NPFFR2: variants seen among roughly 807,000 people sequenced by gnomAD.
NPFFR2 encodes G-protein coupled receptor 74.
Under a neutral mutation model 13.1 loss-of-function variants are expected in NPFFR2, and 15 were observed. That is an observed-to-expected ratio of 1.15 (90% CI 0.77 to 1.76). NPFFR2 has a LOEUF of 1.76. Among genes scored for constraint, NPFFR2 ranks in the 40% most tolerant of loss-of-function variants. The pLI is 0.00. For missense variants in NPFFR2, 572 were observed against 503.5 expected (o/e 1.14, Z -1.30); for synonymous variants, 190 against 175.7 (o/e 1.08, Z -0.65).
chr4:72,127,618 C>T (rs996584762), intron 1 of NPFFR2, among the ~76,000 whole-genome samples: 1 of 150,766 alleles, frequency 6.6e-6, no homozygotes, highest in Non-Finnish European at 1.5e-5. Context: ...CCGCCTCGGC[C>T]TCCCAAAGTG....
At chr4:72,091,649 CTT>C (rs1322235478) in intron 1 of NPFFR2, among the ~76,000 whole-genome samples, 2 of 151,962 alleles carry the variant, frequency 1.3e-5, no homozygotes, top group African/African-American at 4.8e-5. Flanking sequence ...CTTGAGTAAA[CTT>C]TTGTATTTCT....
At chr4:72,083,288 A>G (rs911113354) in intron 1 of NPFFR2, among the ~76,000 whole-genome samples, 12 of 152,158 alleles carry the variant, frequency 7.9e-5, no homozygotes, top group African/African-American at 2.9e-4. Context: ...TAATGGTTGT[A>G]TTAATTTATA....
chr4:72,120,196 C>T (rs1721828265), intron 1 of NPFFR2, among the ~76,000 whole-genome samples: 1 of 152,188 alleles, frequency 6.6e-6, no homozygotes, highest in South Asian at 2.1e-4. Context: ...GCCACAGTAG[C>T]CAGACTACCT....
intron 3 of NPFFR2, among the ~76,000 whole-genome samples, chr4:72,139,433 G>T (rs1481166958): frequency 6.6e-6 from 1 of 152,118 alleles, no homozygotes; most frequent in Non-Finnish European, 1.5e-5. Flanking sequence ...ATTAATTTTT[G>T]TGTGAGGTAT....
chr4:72,085,534 A>C (rs2109796867), intron 1 of NPFFR2, among the ~76,000 whole-genome samples: 2 of 152,266 alleles, frequency 1.3e-5, no homozygotes, highest in African/African-American at 4.8e-5. Flanking sequence ...AGATCCTCAT[A>C]GCATAAAACC....
rs1051324787 is a variant in NPFFR2 at position 72,069,108 on chromosome 4, A to G, written c.-8+36908A>G. On this transcript the variant is annotated intron_variant, in intron 1 of 3. Coordinates refer to ENST00000308744, the MANE Select transcript of NPFFR2 (RefSeq NM_004885.3). The stretch of plus-strand genomic sequence containing the variant: ...GCTATTCTGATGAGGAAAAGATAAG[A>G]ATAGCATAACAGTAATGCTAAGCCT... The G allele has an allele frequency of 1.6e-4, 77 of 473,994 alleles. No homozygotes were observed. The Admixed American group carries it at 3.1e-3, about 19-fold the overall frequency. The allele number at this position is 473,994 out of a possible 1,614,324, so 29.4% of individuals were successfully genotyped here.
chr4:72,095,821 A>G (rs12510838), intron 1 of NPFFR2, among the ~76,000 whole-genome samples: 23,149 of 152,044 alleles, frequency 0.15, 2,155 homozygotes, highest in South Asian at 0.25. Context: ...TAACTCAGAA[A>G]GTTCACGGGG....
At chr4:72,088,673 G>T (rs529576526) in intron 1 of NPFFR2, among the ~76,000 whole-genome samples, 35 of 152,086 alleles carry the variant, frequency 2.3e-4, no homozygotes, top group African/African-American at 7.9e-4. Flanking sequence ...GTCTTACATG[G>T]CAGCAGGAGA....
At chr4:72,062,661 T>C (rs1719953810) in intron 1 of NPFFR2, among the ~76,000 whole-genome samples, 1 of 152,154 alleles carries the variant, frequency 6.6e-6, no homozygotes, top group African/African-American at 2.4e-5. Flanking sequence ...TGACTTTTTT[T>C]TCCCAACAAA....
chr4:72,069,544 G>T (rs1215899072), intron 1 of NPFFR2, among the ~76,000 whole-genome samples: 1 of 152,088 alleles, frequency 6.6e-6, no homozygotes, highest in Non-Finnish European at 1.5e-5. Flanking sequence ...GTATGCCTAT[G>T]ATCACTGCAG....
At chr4:72,124,428 C>T (rs1423089496) in intron 1 of NPFFR2, among the ~76,000 whole-genome samples, 3 of 152,010 alleles carry the variant, frequency 2.0e-5, no homozygotes, top group Non-Finnish European at 4.4e-5. Flanking sequence ...AAAAAGAGCC[C>T]ATATAGCCAA....
chr4:72,105,296 A>G (rs1721386949), intron 1 of NPFFR2, among the ~76,000 whole-genome samples: 1 of 152,002 alleles, frequency 6.6e-6, no homozygotes, highest in Admixed American at 6.6e-5. Flanking sequence ...GCCAGAAAGA[A>G]TATCTTAGAA....
chr4:72,124,257 AAG>A (rs943581186), intron 1 of NPFFR2, among the ~76,000 whole-genome samples: 1 of 152,174 alleles, frequency 6.6e-6, no homozygotes, highest in Non-Finnish European at 1.5e-5. Flanking sequence ...TCAAGGAACT[AAG>A]AGAGGACACA....
In NPFFR2 at chr4:72,147,221, T is replaced by A; in HGVS notation, c.672T>A (p.Phe224Leu). ...GGAAGATCTACACCACTGTGCTGTT[T>A]GCCAACATCTACCTGGCTCCCCTCT... ...EMRKIYTTVLFANIYLAPLSL... is the reference protein window; with the variant it reads ...EMRKIYTTVLLANIYLAPLSL... Residue 224 changes from phenylalanine (F) to leucine (L), a missense_variant, in exon 4 of 4, where the codon TTT (phenylalanine) becomes TTA (leucine). Phe to Leu is a conservative substitution (Grantham distance 22, BLOSUM62 0). Transcript: ENST00000308744. The A allele has an allele frequency of 6.2e-7, 1 of 1,614,184 alleles. No homozygotes were observed. The highest frequency in any genetic ancestry group is 8.5e-7 in the Non-Finnish European group (1 of 1,180,016).
At chr4:72,041,835 A>C (rs978666800) in intron 1 of NPFFR2, among the ~76,000 whole-genome samples, 3 of 152,030 alleles carry the variant, frequency 2.0e-5, no homozygotes, top group Non-Finnish European at 4.4e-5. Context: ...TCACTTTTTA[A>C]TGGAGTTTAT....
intron 3 of NPFFR2, among the ~76,000 whole-genome samples, chr4:72,143,204 G>A (rs1035737286): frequency 2.0e-5 from 3 of 152,146 alleles, no homozygotes; most frequent in Non-Finnish European, 4.4e-5. Flanking sequence ...TGGTACATTT[G>A]TCCACAAAGA....
At chr4:72,099,595 A>G (rs114491487) in intron 1 of NPFFR2, among the ~76,000 whole-genome samples, 3,649 of 152,020 alleles carry the variant, frequency 0.024, 147 homozygotes, top group African/African-American at 0.084. Context: ...AGGAGGTGCC[A>G]CAAGCTTTTG....
chr4:72,043,262 C>T (rs12648201), intron 1 of NPFFR2, among the ~76,000 whole-genome samples: 10,178 of 45,058 alleles, frequency 0.23, 973 homozygotes, highest in East Asian at 0.63. Context: ...AGGGGCTGAT[C>T]GCTTGTGGAG....
chr4:72,142,196 G>T (rs1446045611), intron 3 of NPFFR2, among the ~76,000 whole-genome samples: 1 of 152,094 alleles, frequency 6.6e-6, no homozygotes, highest in Non-Finnish European at 1.5e-5. Context: ...ACAGTGATGG[G>T]TCTTGACTCT....
Sources: allele counts gnomAD v4.1 joint callset (sites outside exome capture counted in the v4.1 genomes callset), GRCh38; gene constraint gnomAD v4.1.1; transcripts MANE v1.5; gene names NCBI Gene and HGNC (gene_info 2026-07-23, HGNC 2026-07-21).